PTGER3: variants seen among roughly 807,000 people sequenced by gnomAD.
PTGER3 encodes prostaglandin E2 receptor EP3 subtype.
PTGER3 carries 22 observed loss-of-function variants against 34.7 expected under a neutral mutation model. The ratio of observed to expected loss-of-function variants is 0.63; its 90% CI spans 0.45 to 0.91. The LOEUF (loss-of-function observed/expected upper bound fraction) is 0.91. Ranked by LOEUF, PTGER3 falls within the 40% of genes least tolerant of loss-of-function variation. The pLI is 0.00. For missense variants in PTGER3, 468 were observed against 519.4 expected, an observed-to-expected ratio of 0.90 and a Z score of 0.96; for synonymous variants, 241 against 230.1, an observed-to-expected ratio of 1.05 and a Z score of -0.43.
At chr1:70,996,864 A>G (rs899639306) in intron 2 of PTGER3, among the ~76,000 whole-genome samples, 9 of 152,076 alleles carry the variant, frequency 5.9e-5, no homozygotes, top group South Asian at 2.1e-4. Context: ...GGGTTTCACC[A>G]TGTTAGCCAG....
intron 1 of PTGER3, among the ~76,000 whole-genome samples, chr1:71,034,355 T>C (rs1452597757): frequency 6.6e-6 from 1 of 152,220 alleles, no homozygotes; most frequent in Non-Finnish European, 1.5e-5. Context: ...TTTTATAAGA[T>C]GATATATATG....
chr1:70,931,220 T>A (rs1464019041), intron 4 of PTGER3, among the ~76,000 whole-genome samples: 1 of 152,148 alleles, frequency 6.6e-6, no homozygotes. Context: ...ATGCAAGAGG[T>A]GGGTTCCCAT....
chr1:71,018,594 C>T (rs938347278), intron 1 of PTGER3, among the ~76,000 whole-genome samples: 2 of 152,012 alleles, frequency 1.3e-5, no homozygotes, highest in Non-Finnish European at 2.9e-5. Context: ...TTCTGGGCCT[C>T]GTCTAGAATT....
At chr1:70,886,237 T>G in intron 4 of PTGER3, 1 of 430,088 alleles carries the variant, frequency 2.3e-6, no homozygotes, top group Non-Finnish European at 4.7e-6. Context: ...GAGGATACAA[T>G]GAGAAGACTG....
At chr1:70,923,703 T>G (rs947042333) in intron 4 of PTGER3, among the ~76,000 whole-genome samples, 14 of 152,232 alleles carry the variant, frequency 9.2e-5, no homozygotes, top group African/African-American at 2.9e-4. Flanking sequence ...AAACTTTTCC[T>G]TTAAGCTATT....
intron 4 of PTGER3, among the ~76,000 whole-genome samples, chr1:70,912,859 T>C (rs566702774): frequency 2.6e-5 from 4 of 152,156 alleles, no homozygotes; most frequent in African/African-American, 4.8e-5. Context: ...GATCTATATG[T>C]CTATCTTTAT....
intron 1 of PTGER3, among the ~76,000 whole-genome samples, chr1:71,025,176 T>TCCTTCC (rs1186303736): frequency 1.0e-5 from 1 of 97,956 alleles, no homozygotes; most frequent in Non-Finnish European, 2.1e-5. Flanking sequence ...TTCCTTCCTT[T>TCCTTCC]TTTTCCTTCC....
At chr1:70,959,239 T>C (rs1396270606) in intron 2 of PTGER3, among the ~76,000 whole-genome samples, 1 of 152,220 alleles carries the variant, frequency 6.6e-6, no homozygotes, top group Non-Finnish European at 1.5e-5. Flanking sequence ...AGAATTGCAT[T>C]GAATCTGTAG....
At chr1:70,941,412 A>G (rs1649748511) in intron 4 of PTGER3, among the ~76,000 whole-genome samples, 1 of 152,174 alleles carries the variant, frequency 6.6e-6, no homozygotes, top group East Asian at 1.9e-4. Flanking sequence ...ATATAAATCT[A>G]TGATTACTAT....
Position 70,852,457 on chromosome 1 carries a change from G to A in PTGER3, c.*426C>T, listed in dbSNP as rs554427969. On this transcript the variant is annotated 3_prime_UTR_variant, in exon 5 of 5. Transcript: ENST00000370931. Reference sequence around the variant, plus strand: ...GCGGGAGATTGTACAAACAAATTATGCTTTATTCAAATTATGGAATACTCT... The same window carrying A: ...GCGGGAGATTGTACAAACAAATTATACTTTATTCAAATTATGGAATACTCT... 3 of 196,976 alleles carry A rather than the reference G, an allele frequency of 1.5e-5. No individual in the cohort carries two copies. The South Asian group carries it at 3.7e-4, about 24-fold the overall frequency. The allele number at this position is 196,976 out of a possible 1,614,324, so 12.2% of individuals were successfully genotyped here. A position where few individuals can be genotyped will look rare whatever the true frequency, so the allele number is the denominator to read the frequency against.
At chr1:70,856,971 C>T (rs766465944) in intron 4 of PTGER3, among the ~76,000 whole-genome samples, 1 of 152,180 alleles carries the variant, frequency 6.6e-6, no homozygotes, top group Non-Finnish European at 1.5e-5. Flanking sequence ...ACATAGAAAA[C>T]TTGCCTTCTT....
intron 2 of PTGER3, among the ~76,000 whole-genome samples, chr1:70,998,862 TGAC>T (rs1342471410): frequency 6.6e-6 from 1 of 152,138 alleles, no homozygotes; most frequent in Non-Finnish European, 1.5e-5. Flanking sequence ...CTTATTATGA[TGAC>T]GGTGGATAAG....
chr1:70,951,071 G>A (rs955728712), downstream of PTGER3: 2 of 152,106 alleles, frequency 1.3e-5, no homozygotes, highest in African/African-American at 4.8e-5. Context: ...CTATTAATCA[G>A]TTTAATTTTA....
chr1:70,968,041 C>T (rs1053164633), downstream of PTGER3, among the ~76,000 whole-genome samples: 2 of 152,174 alleles, frequency 1.3e-5, no homozygotes, highest in Non-Finnish European at 2.9e-5. Flanking sequence ...GCTTGGCATG[C>T]TTGTTCACAT....
downstream of PTGER3, among the ~76,000 whole-genome samples, chr1:70,969,473 G>A (rs1282067215): frequency 1.3e-5 from 2 of 152,082 alleles, no homozygotes; most frequent in African/African-American, 2.4e-5. Flanking sequence ...ATTAAGAAAC[G>A]AGTCCTCTCC....
At chr1:70,867,385 A>G (rs1646065430) in intron 4 of PTGER3, among the ~76,000 whole-genome samples, 1 of 152,180 alleles carries the variant, frequency 6.6e-6, no homozygotes, top group Non-Finnish European at 1.5e-5. Flanking sequence ...GAGGGCAAAT[A>G]TTAAAACCTT....
chr1:70,991,054 A>G (rs1009365241), intron 2 of PTGER3, among the ~76,000 whole-genome samples: 1 of 152,142 alleles, frequency 6.6e-6, no homozygotes, highest in African/African-American at 2.4e-5. Flanking sequence ...TTGGGCTTCC[A>G]TTTGATTAAT....
intron 2 of PTGER3, among the ~76,000 whole-genome samples, chr1:71,001,031 G>GA (rs563592191): frequency 1.3e-5 from 2 of 152,094 alleles, no homozygotes; most frequent in African/African-American, 4.8e-5. Context: ...TCATATGCTA[G>GA]AAAAAACATT....
At chr1:70,980,943 G>A (rs115764005) in intron 2 of PTGER3, among the ~76,000 whole-genome samples, 3,390 of 152,216 alleles carry the variant, frequency 0.022, 55 homozygotes, top group Middle Eastern at 0.088. Context: ...TGCCAGTCAA[G>A]GAACAGTGAC....
Sources: gnomAD v4.1 joint callset for allele counts (sites outside exome capture counted in the v4.1 genomes callset) on GRCh38, gnomAD v4.1.1 for gene constraint, MANE v1.5 for transcripts, NCBI Gene and HGNC (gene_info 2026-07-23, HGNC 2026-07-21) for gene names.